The following NXF3 variants were observed in gnomAD, a reference collection of about 807,000 sequenced individuals.
The protein encoded by NXF3 is nuclear RNA export factor 3, also known as TAP-like protein 3.
NXF3 carries 34 observed loss-of-function variants against 48.4 expected under a neutral mutation model. That is an observed-to-expected ratio of 0.70 (90% CI 0.53 to 0.93). The LOEUF is 0.93. Ranked by LOEUF, NXF3 falls within the 40% of genes least tolerant of loss-of-function variation. The probability of loss-of-function intolerance (pLI) is 0.00; values close to 1 mark genes in which losing one functional copy is unlikely to be tolerated. For missense variants in NXF3, 359 were observed against 406.1 expected, an observed-to-expected ratio of 0.88 and a Z score of 1.00; for synonymous variants, 132 against 145.7, an observed-to-expected ratio of 0.91 and a Z score of 0.68.
At chrX:103,088,190 C>T in intron 1 of NXF3, 1 of 998,905 alleles carries the variant, frequency 1.0e-6, no homozygotes, top group Non-Finnish European at 1.4e-6. Context: ...ACTATAAAAC[C>T]ATTGTTAAAA....
intron 1 of NXF3, among the ~76,000 whole-genome samples, chrX:103,092,441 G>A (rs1440871236): frequency 2.1e-4 from 24 of 112,468 alleles, no homozygotes; most frequent in Non-Finnish European, 3.9e-4. Context: ...AGCAAAAACT[G>A]ATCTAAGTAA....
At chrX:103,088,221 A>T in intron 1 of NXF3, 1 of 774,958 alleles carries the variant, frequency 1.3e-6, no homozygotes, top group East Asian at 3.4e-5. Context: ...CCAAGCTTAA[A>T]CGTGCTAGGA....
intron 16 of NXF3, 86 bp downstream of exon 16, chrX:103,079,135 G>A: frequency 1.1e-6 from 1 of 933,120 alleles, no homozygotes; most frequent in Non-Finnish European, 1.6e-6. Flanking sequence ...AACGAAATGA[G>A]GGAAGCTGGG....
At chrX:103,080,121 C>T in intron 11 of NXF3, 27 bp downstream of exon 11, 1 of 1,209,675 alleles carries the variant, frequency 8.3e-7, no homozygotes, top group East Asian at 3.0e-5. Flanking sequence ...TCCTCATGCA[C>T]CACCCTGCTG....
At chrX:103,084,075 C>G (rs1281345906) in intron 3 of NXF3, among the ~76,000 whole-genome samples, 1 of 111,241 alleles carries the variant, frequency 9.0e-6, no homozygotes, top group Non-Finnish European at 1.9e-5. Context: ...ACTGAAGCAT[C>G]TGGTGTGGAG....
At chrX:103,079,018 A>T (rs1921940336) in intron 16 of NXF3, among the ~76,000 whole-genome samples, 1 of 112,447 alleles carries the variant, frequency 8.9e-6, no homozygotes, top group Admixed American at 9.4e-5. Flanking sequence ...TGCTTAACGC[A>T]CGCCTGAGCT....
At chrX:103,092,764 C>T (rs951877348) in intron 1 of NXF3, among the ~76,000 whole-genome samples, 2 of 112,525 alleles carry the variant, frequency 1.8e-5, no homozygotes, top group Admixed American at 1.9e-4. Flanking sequence ...CTCTAGTGTA[C>T]ATCCAAGGAA....
chrX:103,080,516 G>A lies in NXF3; in HGVS notation c.927+60C>T, dbSNP rs1225143876. The stretch of plus-strand genomic sequence containing the variant: ...TGGGACAATATCTAAAGGGGTTTGG[G>A]GCAGTTGGGGGCAGCATCAGTCCCA... On this transcript the variant is annotated intron_variant, in intron 10 of 19. Coordinates refer to ENST00000395065, the MANE Select transcript of NXF3 (RefSeq NM_022052.2). The A allele has an allele frequency of 5.6e-6, 6 of 1,062,027 alleles. No homozygotes were observed. The East Asian group carries it at 1.8e-4, about 32-fold the overall frequency. The allele number at this position is 1,062,027 out of a possible 1,213,427, so 87.5% of individuals were successfully genotyped here.
Position 103,078,646 on chromosome X carries a change from AAAC to A in NXF3, c.1379-17_1379-15del. 1 of 1,211,903 alleles carries A rather than the reference AAAC, an allele frequency of 8.3e-7. No homozygotes were observed. The highest frequency in any genetic ancestry group is 2.3e-4 in the Middle Eastern group (1 of 4,356). ...ACTGTCCTTCCACTTCAAAGACAAC[AAAC>A]AACATTGCCTTAGAGTTGCACAGGC... On this transcript the variant is annotated splice_polypyrimidine_tract_variant and intron_variant, in intron 16 of 19. Transcript: ENST00000395065.
chrX:103,076,171 A>T, intron 19 of NXF3, 70 bp downstream of exon 19: 3 of 774,237 alleles, frequency 3.9e-6, no homozygotes, highest in Non-Finnish European at 6.0e-6. Flanking sequence ...GATCAGCAGA[A>T]CCGGAAGCCC....
At chrX:103,089,989 C>T (rs1469487791) in intron 1 of NXF3, among the ~76,000 whole-genome samples, 2 of 109,211 alleles carry the variant, frequency 1.8e-5, no homozygotes, top group African/African-American at 6.7e-5. Context: ...TATCCATATA[C>T]ATTTACCATG....
At position 103,077,748 on chromosome X, in the gene NXF3, T is replaced by C. The variant is rs1220798092; in HGVS notation, c.1452-2A>G. The stretch of plus-strand genomic sequence containing the variant: ...AGCTTGTCATTCACGATGCACAGAC[T>C]GGAGGAAAAATGGGCCATCAGGTAG... On this transcript the variant is annotated splice_acceptor_variant, in intron 17 of 19. Coordinates refer to ENST00000395065, the MANE Select transcript of NXF3 (RefSeq NM_022052.2). LOFTEE classifies it high-confidence loss of function. 2 of 1,208,334 alleles carry C rather than the reference T, an allele frequency of 1.7e-6. No individual in the cohort carries two copies. Among genetic ancestry groups the C allele is most frequent in the Non-Finnish European group, 2.2e-6 (2 of 894,337 alleles).
chrX:103,078,870 A>G lies in NXF3; in HGVS notation c.1379-238T>C, dbSNP rs758410805. 1.2e-4 allele frequency among the ~76,000 whole-genome samples: 13 copies of G among 112,299 alleles called. No homozygotes were observed. In the South Asian group the frequency reaches 1.9e-3, roughly 16 times the overall value. ...CCCTGTGAAAACCACAAGTTCACTTAATTCCTATTTCACAGTAGCCCAAGA... is the reference window on the plus strand; with the variant it reads ...CCCTGTGAAAACCACAAGTTCACTTGATTCCTATTTCACAGTAGCCCAAGA... On this transcript the variant is annotated intron_variant, in intron 16 of 19. Transcript: ENST00000395065.
chrX:103,085,010 A>T (rs1044618156), intron 1 of NXF3, 127 bp from the exon 2 acceptor site: 90 of 620,424 alleles, frequency 1.5e-4, no homozygotes, highest in Non-Finnish European at 2.1e-4. Context: ...TACTGCCCAG[A>T]CTGTAGTGCA....
At chrX:103,087,650 A>T in intron 1 of NXF3, 6 of 1,009,038 alleles carry the variant, frequency 5.9e-6, no homozygotes, top group Non-Finnish European at 8.4e-6. Context: ...CACATATAGC[A>T]TGAAGAGAAG....
In NXF3 at chrX:103,093,015, C is replaced by T; in HGVS notation, c.9G>A (p.Leu3=). The T allele has an allele frequency of 8.3e-7, 1 of 1,209,327 alleles. No individual in the cohort carries two copies. Among genetic ancestry groups the T allele is most frequent in the African/African-American group, 1.7e-5 (1 of 57,864 alleles). Reference sequence around the variant, plus strand: ...ACTCACCCGTAGTGTGTCCTGAAGGCAGTGACATTTTACCAATGTCCTTAT... The same window carrying T: ...ACTCACCCGTAGTGTGTCCTGAAGGTAGTGACATTTTACCAATGTCCTTAT... MS[L]PSGHTTGHTD... The change falls in exon 1 of 20, where the codon CTG becomes CTA. Residue 3 remains leucine, a synonymous_variant. Transcript: ENST00000395065.
intron 3 of NXF3, among the ~76,000 whole-genome samples, chrX:103,084,078 G>T (rs1210376680): frequency 9.0e-6 from 1 of 111,079 alleles, no homozygotes. Context: ...GAAGCATCTG[G>T]TGTGGAGATA....
At chrX:103,078,162 G>T (rs1370593381) in intron 17 of NXF3, among the ~76,000 whole-genome samples, 1 of 111,357 alleles carries the variant, frequency 9.0e-6, no homozygotes, top group Non-Finnish European at 1.9e-5. Flanking sequence ...TTCAATACAG[G>T]GTCTCACTCA....
intron 1 of NXF3, among the ~76,000 whole-genome samples, chrX:103,092,356 C>G (rs1288053266): frequency 5.1e-5 from 3 of 58,751 alleles, no homozygotes; most frequent in African/African-American, 2.7e-4. Flanking sequence ...AATAAAGTTT[C>G]AAGTTATACA....
Sources: gnomAD v4.1 joint callset for allele counts (sites outside exome capture counted in the v4.1 genomes callset) on GRCh38, gnomAD v4.1.1 for gene constraint, MANE v1.5 for transcripts, NCBI Gene and HGNC (gene_info 2026-07-23, HGNC 2026-07-21) for gene names.